The following RSPH4A variants were observed in gnomAD, a reference collection of about 807,000 sequenced individuals.
RSPH4A encodes the protein radial spoke head protein 4 homolog A.
RSPH4A carries 47 observed loss-of-function variants against 71.0 expected under a neutral mutation model. That is an observed-to-expected ratio of 0.66 (90% confidence interval 0.52 to 0.84). The LOEUF (loss-of-function observed/expected upper bound fraction) is 0.84, where lower values mean the gene tolerates loss of function less well. RSPH4A is among the 40% of genes least tolerant of loss of function. The probability of loss-of-function intolerance (pLI) is 0.00; values close to 1 mark genes in which losing one functional copy is unlikely to be tolerated. For synonymous variants in RSPH4A, 282 were observed against 302.3 expected, an observed-to-expected ratio of 0.93 and a Z score of 0.70; for missense variants, 793 against 855.2, an observed-to-expected ratio of 0.93 and a Z score of 0.91.
intron 4 of RSPH4A, among the ~76,000 whole-genome samples, 154 bp downstream of exon 4, chr6:116,629,856 G>A (rs535714973): frequency 3.3e-5 from 5 of 152,330 alleles, no homozygotes; most frequent in African/African-American, 1.2e-4. Flanking sequence ...ATGATAGGGA[G>A]TGAAGAATGT....
rs776700072 is a variant in RSPH4A, at chr6:116,616,725, TTCTGAGCCTGAGTCG to T, written c.111_125del (p.Glu38_Pro42del). On this transcript the variant is annotated inframe_deletion, in exon 1 of 6. Coordinates refer to ENST00000229554, the MANE Select transcript of RSPH4A (RefSeq NM_001010892.3). ...GAAAGACAGCAGCTTCTCCCCAATA[TTCTGAGCCTGAGTCG>T]TCTGAGCCCTTGGAGGCGAAGCAGG... 221 of 1,614,018 alleles carry T rather than the reference TTCTGAGCCTGAGTCG, an allele frequency of 1.4e-4. No homozygotes were observed. Among genetic ancestry groups the T allele is most frequent in the Non-Finnish European group, 1.8e-4 (208 of 1,180,016 alleles).
chr6:116,629,627 G>A lies in RSPH4A; in HGVS notation c.1723G>A (p.Glu575Lys), dbSNP rs1246862235. The A allele has an allele frequency of 6.2e-7, 1 of 1,612,652 alleles. No individual in the cohort carries two copies. Among genetic ancestry groups the A allele is most frequent in the African/African-American group, 1.3e-5 (1 of 74,894 alleles). Residue 575 changes from glutamate (E) to lysine (K), a missense_variant, in exon 4 of 6, where the codon GAA becomes AAA. Physicochemically the swap from Glu to Lys is moderately conservative, Grantham distance 56. Transcript: ENST00000229554. ...KNEEEEEEED[E>K]EKDDSDYIEQ... Reference sequence around the variant, plus strand: ...TGAGGAAGAAGAAGAGGAAGAAGATGAAGAAAAAGACGATTCTGACTACAT... The same window carrying A: ...TGAGGAAGAAGAAGAGGAAGAAGATAAAGAAAAAGACGATTCTGACTACAT...
chr6:116,616,937 C>A lies in RSPH4A; in HGVS notation c.314C>A (p.Ala105Glu), dbSNP rs1201583704. The change falls in exon 1 of 6, where the codon GCG (alanine) becomes GAG (glutamate). Residue 105 changes from alanine to glutamate, a missense_variant. Transcript: ENST00000229554. ...SPLAPARQDL[A>E]APPQSDRTTS... ...CTGGCTCCGGCCAGACAAGACCTCG[C>A]GGCACCACCTCAGTCGGACAGGACC... 1.2e-6 allele frequency: 2 copies of A among 1,614,200 alleles called. No individual in the cohort carries two copies. Among genetic ancestry groups the A allele is most frequent in the Non-Finnish European group, 1.7e-6 (2 of 1,180,028 alleles).
chr6:116,629,479 T>C lies in RSPH4A; in HGVS notation c.1663-88T>C, dbSNP rs553417723. Reference sequence around the variant, plus strand: ...AATAATTGATTAAATTCCCACAGAGTTACACTTCATCCTGATCAATTCAAA... The same window carrying C: ...AATAATTGATTAAATTCCCACAGAGCTACACTTCATCCTGATCAATTCAAA... On this transcript the variant is annotated intron_variant, in intron 3 of 5. Transcript: ENST00000229554. 3.1e-4 allele frequency: 405 copies of C among 1,290,008 alleles called. 4 individuals are homozygous for C. In the South Asian group the frequency reaches 4.6e-3, roughly 15 times the overall value. 79.9% of individuals were successfully genotyped at this position (1,290,008 alleles called of 1,614,324 possible).
chr6:116,616,797 C>T lies in RSPH4A; in HGVS notation c.174C>T (p.Ser58=), dbSNP rs750467499. Residue 58 remains serine (S), a synonymous_variant, in exon 1 of 6, where the codon AGC becomes AGT. Transcript: ENST00000229554. ...GPETGRQSRS[S]RPWSPQSRAK... ...AAACTGGACGCCAGTCCCGAAGCAG[C>T]CGTCCTTGGAGCCCGCAGTCTAGAG... 6.2e-7 allele frequency: 1 copy of T among 1,614,052 alleles called. No homozygotes were observed. Among genetic ancestry groups the T allele is most frequent in the Admixed American group, 1.7e-5 (1 of 60,006 alleles).
chr6:116,627,944 G>A lies in RSPH4A; in HGVS notation c.1237G>A (p.Ala413Thr), dbSNP rs754023097. ...EDELPKSFYK[A>T]PQAIPKEESR... ...TGAATTACCAAAGTCCTTTTACAAG[G>A]CCCCACAGGCTATACCAAAAGAAGA... is the stretch of plus-strand genomic sequence containing the variant. The change falls in exon 3 of 6, where the codon GCC becomes ACC. Residue 413 changes from alanine to threonine, a missense_variant. By Grantham distance (58) the Ala-to-Thr change is moderately conservative. Transcript: ENST00000229554. 6 of 1,613,982 alleles carry A rather than the reference G, an allele frequency of 3.7e-6. No individual in the cohort carries two copies. The Admixed American group carries it at 8.3e-5, about 22-fold the overall frequency.
chr6:116,624,673 G>A (rs767428942), intron 2 of RSPH4A, among the ~76,000 whole-genome samples: 2 of 152,168 alleles, frequency 1.3e-5, no homozygotes, highest in African/African-American at 2.4e-5. Flanking sequence ...ATTGAAATAT[G>A]AGCTATATGA....
Position 116,617,105 on chromosome 6 carries a change from G to A in RSPH4A, c.482G>A (p.Cys161Tyr). The A allele has an allele frequency of 6.2e-7, 1 of 1,614,232 alleles. No homozygotes were observed. The highest frequency in any genetic ancestry group is 8.5e-7 in the Non-Finnish European group (1 of 1,180,040). Residue 161 changes from cysteine (C) to tyrosine (Y), a missense_variant, in exon 1 of 6, where the codon TGT becomes TAT. By Grantham distance (194) the Cys-to-Tyr change is radical. Transcript: ENST00000229554. The stretch of plus-strand genomic sequence containing the variant: ...TCTCAGCAACCCAAACCCCACCTGT[G>A]TGGACGAAGGGACGTGAGCTATAAC... ...QQSQQPKPHL[C>Y]GRRDVSYNNA... is the part of the protein sequence containing the mutation.
intron 2 of RSPH4A, among the ~76,000 whole-genome samples, chr6:116,626,459 A>G (rs2115360027): frequency 6.6e-6 from 1 of 151,996 alleles, no homozygotes; most frequent in African/African-American, 2.4e-5. Context: ...CTCCTGCCTC[A>G]GCCTCCCGAG....
intron 2 of RSPH4A, among the ~76,000 whole-genome samples, chr6:116,626,915 G>T (rs997602279): frequency 6.6e-6 from 1 of 151,890 alleles, no homozygotes; most frequent in African/African-American, 2.4e-5. Flanking sequence ...TATTTTTAAA[G>T]ATATATAGTA....
rs776916931 is a variant in RSPH4A, at chr6:116,617,815, C to T, written c.686+506C>T. 2.4e-4 allele frequency among the ~76,000 whole-genome samples: 36 copies of T among 152,138 alleles called. 1 individual carries two copies. The highest frequency in any genetic ancestry group is 4.1e-4 in the Non-Finnish European group (28 of 68,024). On this transcript the variant is annotated intron_variant, in intron 1 of 5. Transcript: ENST00000229554. ...TTATCCTAAGAAACCCCTTAGTCCT[C>T]GCAAACTCGGAGAATTGGTCACTAT...
chr6:116,618,052 C>T (rs1191655046), intron 1 of RSPH4A, among the ~76,000 whole-genome samples: 1 of 152,118 alleles, frequency 6.6e-6, no homozygotes, highest in East Asian at 1.9e-4. Context: ...TCTAATACAA[C>T]TCATTTGTTT....
At chr6:116,619,485 T>C (rs9481650) in intron 1 of RSPH4A, among the ~76,000 whole-genome samples, 17,736 of 152,122 alleles carry the variant, frequency 0.12, 1,748 homozygotes, top group African/African-American at 0.25. Context: ...TGAAAACCAA[T>C]GTATATAAAT....
rs1264066221 is a variant in RSPH4A at position 116,630,417 on chromosome 6, T to C, written c.1799-18T>C. 1.5e-6 allele frequency: 2 copies of C among 1,353,148 alleles called. No homozygotes were observed. The highest frequency in any genetic ancestry group is 2.9e-5 in the African/African-American group (2 of 69,528). The allele number at this position is 1,353,148 out of a possible 1,614,324, so 83.8% of individuals were successfully genotyped here. On this transcript the variant is annotated intron_variant, in intron 4 of 5. Transcript: ENST00000229554. ...TCTAGTTAGGAATTAAGCTTTTGCA[T>C]TTCTCTTTGGGTTCCAGAGATTCAG...
chr6:116,616,565 C>T lies in RSPH4A; in HGVS notation c.-59C>T, dbSNP rs1323670614. The T allele has an allele frequency of 1.4e-6, 2 of 1,432,092 alleles. No homozygotes were observed. The highest frequency in any genetic ancestry group is 2.2e-4 in the Middle Eastern group (1 of 4,564). 88.7% of individuals were successfully genotyped at this position (1,432,092 alleles called of 1,614,324 possible). On this transcript the variant is annotated 5_prime_UTR_variant, in exon 1 of 6. Coordinates refer to ENST00000229554, the MANE Select transcript of RSPH4A (RefSeq NM_001010892.3). Reference sequence around the variant, plus strand: ...CGGCAAAGTAACTTAACTGAGTTGCCTTCTTCCATATTTTCACGCCCCTTT... The same window carrying T: ...CGGCAAAGTAACTTAACTGAGTTGCTTTCTTCCATATTTTCACGCCCCTTT...
rs533659120 is a variant in RSPH4A, at chr6:116,629,991, C to G, written c.1798+289C>G. On this transcript the variant is annotated intron_variant, in intron 4 of 5. Coordinates refer to ENST00000229554, the MANE Select transcript of RSPH4A (RefSeq NM_001010892.3). ...TCCTTTATTATTCTTGTCTTGCATT[C>G]TGCAGACCATAAACAAATGGCATAA... is the stretch of plus-strand genomic sequence containing the variant. Among the ~76,000 whole-genome samples, 6 of 152,354 alleles carry G rather than the reference C, an allele frequency of 3.9e-5. No homozygotes were observed. In the South Asian group the frequency reaches 1.2e-3, roughly 32 times the overall value.
intron 2 of RSPH4A, among the ~76,000 whole-genome samples, chr6:116,625,164 T>C (rs955296714): frequency 1.5e-4 from 23 of 152,296 alleles, no homozygotes; most frequent in African/African-American, 5.5e-4. Flanking sequence ...GCAATTGTTA[T>C]TATATTCTTT....
chr6:116,630,857 T>TTTG (rs1277632945), intron 5 of RSPH4A, among the ~76,000 whole-genome samples: 1 of 139,988 alleles, frequency 7.1e-6, no homozygotes, highest in Non-Finnish European at 1.6e-5. Context: ...ATTTTTTTTT[T>TTTG]TTTTTTTTTT....
At chr6:116,620,370 C>T (rs1468550230) in intron 1 of RSPH4A, among the ~76,000 whole-genome samples, 1 of 152,066 alleles carries the variant, frequency 6.6e-6, no homozygotes, top group Non-Finnish European at 1.5e-5. Flanking sequence ...TACTTTAGTG[C>T]CTACAGTTTA....
Sources: allele counts gnomAD v4.1 joint callset (sites outside exome capture counted in the v4.1 genomes callset), GRCh38; gene constraint gnomAD v4.1.1; transcripts MANE v1.5; gene names NCBI Gene and HGNC (gene_info 2026-07-23, HGNC 2026-07-21).